Variants in LRRTM4 observed in about 807,000 individuals in gnomAD.
The protein encoded by LRRTM4 is leucine rich repeat transmembrane neuronal 4, also known as leucine-rich repeat transmembrane neuronal protein 4.
A neutral mutation model predicts 47.6 loss-of-function variants in LRRTM4; 25 were observed. That is an observed-to-expected ratio of 0.53 (90% CI 0.38 to 0.73). The LOEUF is 0.73. LRRTM4 is among the 30% of genes least tolerant of loss of function. The pLI is 0.00. For missense variants in LRRTM4, 638 were observed against 713.4 expected (o/e 0.89, Z 1.20); for synonymous variants, 311 against 269.5 (o/e 1.15, Z -1.51).
chr2:77,125,171 T>C (rs1671622041), intron 3 of LRRTM4, among the ~76,000 whole-genome samples: 1 of 152,214 alleles, frequency 6.6e-6, no homozygotes, highest in Non-Finnish European at 1.5e-5. Flanking sequence ...ACACATCTGC[T>C]GGAGTTCTAG....
chr2:77,149,756 G>A (rs938977882), intron 3 of LRRTM4, among the ~76,000 whole-genome samples: 1 of 152,100 alleles, frequency 6.6e-6, no homozygotes, highest in African/African-American at 2.4e-5. Context: ...TAGGGGCTGC[G>A]TGCCTCACTG....
chr2:77,511,316 T>C (rs1339214495), intron 3 of LRRTM4, among the ~76,000 whole-genome samples: 1 of 152,080 alleles, frequency 6.6e-6, no homozygotes. Flanking sequence ...CCATCTGTAT[T>C]CAGTATACAT....
intron 3 of LRRTM4, among the ~76,000 whole-genome samples, chr2:76,816,819 G>GTTGTTTTTTTTTT (rs1670910659): frequency 2.1e-5 from 2 of 96,524 alleles, no homozygotes; most frequent in African/African-American, 6.4e-5. Flanking sequence ...GAGGTAAAGA[G>GTTGTTTTTTTTTT]TTTTTTTTTT....
At chr2:77,100,538 C>T (rs1372481256) in intron 3 of LRRTM4, among the ~76,000 whole-genome samples, 1 of 152,082 alleles carries the variant, frequency 6.6e-6, no homozygotes, top group East Asian at 1.9e-4. Flanking sequence ...GCACATTCTA[C>T]AGGACACATA....
chr2:77,415,232 TA>T, intron 3 of LRRTM4, among the ~76,000 whole-genome samples: 1 of 152,298 alleles, frequency 6.6e-6, no homozygotes, highest in Non-Finnish European at 1.5e-5. Context: ...ACAATTCTGA[TA>T]ATGGAAGAAT....
chr2:76,789,511 AAAAAC>A (rs1209350586), intron 3 of LRRTM4, among the ~76,000 whole-genome samples: 1 of 152,228 alleles, frequency 6.6e-6, no homozygotes, highest in Non-Finnish European at 1.5e-5. Context: ...AGGAAAATTC[AAAAAC>A]ATAATGAGGG....
At chr2:76,878,892 A>G (rs1672850357) in intron 3 of LRRTM4, among the ~76,000 whole-genome samples, 1 of 152,062 alleles carries the variant, frequency 6.6e-6, no homozygotes, top group African/African-American at 2.4e-5. Flanking sequence ...AAAAAAAGTG[A>G]AACAGCCTTA....
chr2:76,987,030 T>C (rs1676822263), intron 3 of LRRTM4, among the ~76,000 whole-genome samples: 1 of 151,960 alleles, frequency 6.6e-6, no homozygotes, highest in Non-Finnish European at 1.5e-5. Flanking sequence ...TATTCTTTTA[T>C]TTATTTTTTA....
At chr2:76,778,726 A>C (rs948061290) in intron 3 of LRRTM4, among the ~76,000 whole-genome samples, 4 of 150,562 alleles carry the variant, frequency 2.7e-5, no homozygotes, top group Non-Finnish European at 5.9e-5. Context: ...TGGATTCATT[A>C]ATTTTTTGAA....
At chr2:77,040,527 A>G (rs988738833) in intron 3 of LRRTM4, among the ~76,000 whole-genome samples, 1 of 151,430 alleles carries the variant, frequency 6.6e-6, no homozygotes, top group African/African-American at 2.4e-5. Context: ...AGCCCTACTC[A>G]TAAGTGCTAG....
chr2:76,838,081 T>TATA lies in LRRTM4; in HGVS notation c.1552-89168_1552-89166dup, dbSNP rs569558033. ...TGCACATGTACCCTAAAACTTAAAGTATAATAATAATAATAATAATAAAAG... is the reference window on the plus strand; with the variant it reads ...TGCACATGTACCCTAAAACTTAAAGTATAATAATAATAATAATAATAATAAAAG... On this transcript the variant is annotated intron_variant, in intron 3 of 3. Coordinates refer to ENST00000409884, the MANE Select transcript of LRRTM4 (RefSeq NM_001134745.3). Among the ~76,000 whole-genome samples the TATA allele has an allele frequency of 8.8e-3, 1,264 of 142,916 alleles. 22 individuals are homozygous for TATA. Among genetic ancestry groups the TATA allele is most frequent in the African/African-American group, 0.028 (1,084 of 39,400 alleles). 93.8% of individuals were successfully genotyped at this position (142,916 alleles called of 152,430 possible).
In LRRTM4 at chr2:77,403,546, A is replaced by G. The variant is rs528302374; in HGVS notation, c.1551+114772T>C. On this transcript the variant is annotated intron_variant, in intron 3 of 3. Transcript: ENST00000409884. Reference sequence around the variant, plus strand: ...TAAACATATATTTAAAAATAAGTTCACCATCAAATATATTGATTTTTTATT... The same window carrying G: ...TAAACATATATTTAAAAATAAGTTCGCCATCAAATATATTGATTTTTTATT... Among the ~76,000 whole-genome samples, 93 of 152,002 alleles carry G rather than the reference A, an allele frequency of 6.1e-4. No individual in the cohort carries two copies. In the Middle Eastern group the frequency reaches 0.01, roughly 17 times the overall value.
intron 3 of LRRTM4, among the ~76,000 whole-genome samples, chr2:77,167,896 CAT>C (rs1672933440): frequency 6.6e-6 from 1 of 152,036 alleles, no homozygotes; most frequent in Non-Finnish European, 1.5e-5. Context: ...CACATGTATA[CAT>C]ATGTAATATA....
rs1302193086 is a variant in LRRTM4, at chr2:76,748,738, C to A, written c.1730G>T (p.Arg577Met). 1 of 1,613,798 alleles carries A rather than the reference C, an allele frequency of 6.2e-7. No homozygotes were observed. Among genetic ancestry groups the A allele is most frequent in the Non-Finnish European group, 8.5e-7 (1 of 1,179,890 alleles). Residue 577 changes from arginine (R) to methionine (M), a missense_variant, in exon 4 of 4, where the codon AGG becomes ATG. By Grantham distance (91) the Arg-to-Met change is moderately conservative. Transcript: ENST00000409884. ...RDHSFIATIARSAAPAIYLER... is the reference protein window; with the variant it reads ...RDHSFIATIAMSAAPAIYLER... Reference sequence around the variant, plus strand: ...TAGGTAGATGGCCGGTGCTGCCGACCTGGCGATGGTGGCGATGAAGCTGTG... The same window carrying A: ...TAGGTAGATGGCCGGTGCTGCCGACATGGCGATGGTGGCGATGAAGCTGTG...
intron 3 of LRRTM4, among the ~76,000 whole-genome samples, chr2:77,058,468 T>A (rs2103792911): frequency 6.6e-6 from 1 of 152,010 alleles, no homozygotes; most frequent in East Asian, 1.9e-4. Flanking sequence ...CTAACGTCCT[T>A]CTAGCCTCTT....
rs189156622 is a variant in LRRTM4, at chr2:77,146,018, A to T, written c.1551+372300T>A. Among the ~76,000 whole-genome samples, 13 of 152,230 alleles carry T rather than the reference A, an allele frequency of 8.5e-5. No homozygotes were observed. The East Asian group carries it at 2.5e-3, about 29-fold the overall frequency. ...GACCTCCACCTGCTTCAGGTTGGGT[A>T]AACAATGTTAAAAATTTGGCCTCTT... is the stretch of plus-strand genomic sequence containing the variant. On this transcript the variant is annotated intron_variant, in intron 3 of 3. Coordinates refer to ENST00000409884, the MANE Select transcript of LRRTM4 (RefSeq NM_001134745.3).
intron 3 of LRRTM4, among the ~76,000 whole-genome samples, chr2:76,977,514 C>T (rs774097505): frequency 8.6e-5 from 13 of 151,830 alleles, no homozygotes; most frequent in Non-Finnish European, 1.0e-4. Flanking sequence ...AAGCATTAAC[C>T]CACTGCAGTC....
At chr2:77,021,971 CA>C (rs1236488884) in intron 3 of LRRTM4, among the ~76,000 whole-genome samples, 8 of 152,142 alleles carry the variant, frequency 5.3e-5, no homozygotes, top group Admixed American at 3.3e-4. Context: ...CTTTGATCAA[CA>C]TATCCCCTTT....
At chr2:77,231,624 G>T (rs1432713253) in intron 3 of LRRTM4, among the ~76,000 whole-genome samples, 1 of 152,072 alleles carries the variant, frequency 6.6e-6, no homozygotes, top group African/African-American at 2.4e-5. Context: ...AACCTATATA[G>T]AGGAGAAATT....
Sources: gnomAD v4.1 joint callset for allele counts (sites outside exome capture counted in the v4.1 genomes callset) on GRCh38, gnomAD v4.1.1 for gene constraint, MANE v1.5 for transcripts, NCBI Gene and HGNC (gene_info 2026-07-23, HGNC 2026-07-21) for gene names.